The following TMCC3 variants were observed in gnomAD, a reference collection of about 807,000 sequenced individuals.
TMCC3 encodes transmembrane and coiled-coil domain family 3, also known as transmembrane and coiled-coil domain protein 3.
A neutral mutation model predicts 40.2 loss-of-function variants in TMCC3; 28 were observed. That is an observed-to-expected ratio of 0.70 (90% CI 0.52 to 0.95). The LOEUF is 0.95. Among genes scored for constraint, TMCC3 ranks in the 40% least tolerant of loss-of-function variants. The pLI is 0.00. For synonymous variants in TMCC3, 255 were observed against 248.5 expected, an observed-to-expected ratio of 1.03 and a Z score of -0.25; for missense variants, 554 against 615.2, an observed-to-expected ratio of 0.90 and a Z score of 1.05.
intron 1 of TMCC3, among the ~76,000 whole-genome samples, chr12:94,600,657 A>G (rs1352886616): frequency 1.3e-5 from 2 of 152,102 alleles, no homozygotes; most frequent in Admixed American, 6.6e-5. Context: ...TCACCTCAAC[A>G]CTTACACCAT....
rs1422106334 is a variant in TMCC3 at position 94,568,802 on chromosome 12, G to A, written c.*2633C>T. On this transcript the variant is annotated 3_prime_UTR_variant, in exon 4 of 4. Transcript: ENST00000261226. Reference sequence around the variant, plus strand: ...GTTGAGCCTATCCAAGTGAAAACAAGGTTATTTGACATTTAGTGAGAGTCA... The same window carrying A: ...GTTGAGCCTATCCAAGTGAAAACAAAGTTATTTGACATTTAGTGAGAGTCA... 6.6e-6 allele frequency: 1 copy of A among 152,114 alleles called. No individual in the cohort carries two copies. Among genetic ancestry groups the A allele is most frequent in the Non-Finnish European group, 1.5e-5 (1 of 68,030 alleles). 9.4% of individuals were successfully genotyped at this position (152,114 alleles called of 1,614,324 possible).
chr12:94,633,867 G>A (rs968597240), intron 1 of TMCC3, among the ~76,000 whole-genome samples: 1 of 152,024 alleles, frequency 6.6e-6, no homozygotes, highest in Non-Finnish European at 1.5e-5. Flanking sequence ...AAAGTATCAG[G>A]AAACATTAAC....
intron 1 of TMCC3, among the ~76,000 whole-genome samples, chr12:94,634,965 G>T (rs1270851493): frequency 6.6e-6 from 1 of 152,198 alleles, no homozygotes; most frequent in East Asian, 1.9e-4. Context: ...CTTGAATCAG[G>T]TTATAAAATG....
chr12:94,642,109 C>T (rs2068994213), intron 1 of TMCC3, among the ~76,000 whole-genome samples: 2 of 152,018 alleles, frequency 1.3e-5, no homozygotes, highest in South Asian at 4.1e-4. Flanking sequence ...TTTGTTCATA[C>T]CTACTGAAAA....
intron 1 of TMCC3, among the ~76,000 whole-genome samples, chr12:94,597,165 A>ATATAT (rs1491079878): frequency 1.1e-5 from 1 of 93,850 alleles, no homozygotes; most frequent in Non-Finnish European, 2.2e-5. Flanking sequence ...ATATGTATAT[A>ATATAT]AATTAGCCAG....
rs542557295 is a variant in TMCC3, at chr12:94,650,525, G to T, written c.-95C>A. The T allele has an allele frequency of 9.8e-3, 10,092 of 1,027,238 alleles. 51 individuals are homozygous for T. The highest frequency in any genetic ancestry group is 0.013 in the Middle Eastern group (39 of 2,942). The allele number at this position is 1,027,238 out of a possible 1,614,324, so 63.6% of individuals were successfully genotyped here. ...GGATCACCCTGGGAGCCGCGGGCGA[G>T]GGGGCGGCGCGGCTGCTGCAGCTGT... is the stretch of plus-strand genomic sequence containing the variant. On this transcript the variant is annotated 5_prime_UTR_variant, in exon 1 of 4. Transcript: ENST00000261226.
At chr12:94,609,724 T>G (rs959197803) in intron 1 of TMCC3, 7 of 152,218 alleles carry the variant, frequency 4.6e-5, no homozygotes, top group Non-Finnish European at 1.0e-4. Context: ...AGGGCAGGGC[T>G]AATTCAACGG....
In TMCC3 at chr12:94,578,526, A is replaced by G. The variant is rs779475344; in HGVS notation, c.999T>C (p.Tyr333=). ...SQTLQEERYR[Y]ERLEDQLHDL... ...CATGCAGCTGGTCCTCCAGTCGCTC[A>G]TACCTTTAAAAGAGAGGAGCCGATT... The change falls in exon 3 of 4, where the codon TAT becomes TAC. Residue 333 remains tyrosine, a synonymous_variant. Transcript: ENST00000261226. The G allele has an allele frequency of 1.2e-6, 2 of 1,613,304 alleles. No homozygotes were observed. The highest frequency in any genetic ancestry group is 1.7e-5 in the Admixed American group (1 of 59,876).
At position 94,575,694 on chromosome 12, in the gene TMCC3, C is replaced by G. The variant is rs2068560014; in HGVS notation, c.1131+2700G>C. Among the ~76,000 whole-genome samples, 3 of 152,202 alleles carry G rather than the reference C, an allele frequency of 2.0e-5. No individual in the cohort carries two copies. The South Asian group carries it at 6.2e-4, about 32-fold the overall frequency. ...GAAGAACAATATTAACCCAAACTAT[C>G]CCCTAAATAAGAAAACCATGCATTC... On this transcript the variant is annotated intron_variant, in intron 3 of 3. Transcript: ENST00000261226.
At position 94,593,452 on chromosome 12, in the gene TMCC3, G is replaced by GAGA. The variant is rs370270093; in HGVS notation, c.79-10917_79-10915dup. ...GAAGAAGGAGAAGGAGAAGGAGAAG[G>GAGA]AGAAGAAGAAGAAGAAGAAGAAGAA... On this transcript the variant is annotated intron_variant, in intron 1 of 3. Coordinates refer to ENST00000261226, the MANE Select transcript of TMCC3 (RefSeq NM_020698.4). Among the ~76,000 whole-genome samples the GAGA allele has an allele frequency of 6.4e-4, 79 of 122,804 alleles. 20 individuals are homozygous for GAGA. Among genetic ancestry groups the GAGA allele is most frequent in the East Asian group, 5.4e-3 (24 of 4,446 alleles). The allele number at this position is 122,804 out of a possible 152,430, so 80.6% of individuals were successfully genotyped here. A position where few individuals can be genotyped will look rare whatever the true frequency, so the allele number is the denominator to read the frequency against.
At chr12:94,576,499 A>T (rs1274531) in intron 3 of TMCC3, among the ~76,000 whole-genome samples, 62,785 of 151,822 alleles carry the variant, frequency 0.41, 13,358 homozygotes, top group Non-Finnish European at 0.44. Context: ...TTTTTAAGAG[A>T]CACAGGGCCT....
intron 1 of TMCC3, among the ~76,000 whole-genome samples, chr12:94,637,307 T>C (rs2068965635): frequency 6.6e-6 from 1 of 152,222 alleles, no homozygotes; most frequent in Non-Finnish European, 1.5e-5. Context: ...TACTATTTTG[T>C]GCAAATTTCT....
At chr12:94,611,259 G>A (rs570136586) in intron 1 of TMCC3, among the ~76,000 whole-genome samples, 1 of 152,236 alleles carries the variant, frequency 6.6e-6, no homozygotes, top group South Asian at 2.1e-4. Flanking sequence ...TTAAAAGGTA[G>A]TTCTAAAACA....
At chr12:94,587,419 C>T (rs1479469010) in intron 1 of TMCC3, among the ~76,000 whole-genome samples, 2 of 152,194 alleles carry the variant, frequency 1.3e-5, no homozygotes, top group African/African-American at 4.8e-5. Flanking sequence ...TGAGACAGTA[C>T]TGCATCATAA....
At chr12:94,628,170 C>T (rs1012857912) in intron 1 of TMCC3, among the ~76,000 whole-genome samples, 1 of 152,208 alleles carries the variant, frequency 6.6e-6, no homozygotes, top group Admixed American at 6.5e-5. Flanking sequence ...CGAGTGACTC[C>T]TTTTCCATAC....
At chr12:94,601,808 C>CAAAAAAAAAAAAAAAAA (rs61372290) in intron 1 of TMCC3, among the ~76,000 whole-genome samples, 10 of 76,706 alleles carry the variant, frequency 1.3e-4, no homozygotes, top group Non-Finnish European at 1.7e-4. Flanking sequence ...GACCTGGTCT[C>CAAAAAAAAAAAAAAAAA]AAAAAAAAAA....
intron 1 of TMCC3, among the ~76,000 whole-genome samples, chr12:94,641,350 T>C (rs911711409): frequency 2.0e-5 from 3 of 152,152 alleles, no homozygotes; most frequent in Non-Finnish European, 4.4e-5. Flanking sequence ...AAAGAATGAA[T>C]CTGATATACA....
At chr12:94,588,640 G>A (rs1302771359) in intron 1 of TMCC3, among the ~76,000 whole-genome samples, 1 of 152,160 alleles carries the variant, frequency 6.6e-6, no homozygotes, top group African/African-American at 2.4e-5. Flanking sequence ...AATACCTGAA[G>A]GCTTTTACAA....
chr12:94,604,060 G>A (rs1472371223), intron 1 of TMCC3, among the ~76,000 whole-genome samples: 12 of 152,172 alleles, frequency 7.9e-5, no homozygotes, highest in Non-Finnish European at 1.6e-4. Flanking sequence ...ATGAAAAAGA[G>A]CAGAAATCCA....
Sources: allele counts gnomAD v4.1 joint callset (sites outside exome capture counted in the v4.1 genomes callset), GRCh38; gene constraint gnomAD v4.1.1; transcripts MANE v1.5; gene names NCBI Gene and HGNC (gene_info 2026-07-23, HGNC 2026-07-21).